Variants in HBP1 observed in about 807,000 individuals in gnomAD.
HBP1 encodes the protein HMG box-containing protein 1.
In HBP1, 20 loss-of-function variants were observed where a neutral mutation model predicts 62.6. The observed-to-expected ratio is 0.32, with a 90% CI of 0.22 to 0.46. HBP1 has a LOEUF of 0.46. HBP1 is among the 20% of genes least tolerant of loss of function. HBP1 has a pLI of 1.00. For synonymous variants in HBP1, 232 were observed against 206.2 expected, an observed-to-expected ratio of 1.12 and a Z score of -1.07; for missense variants, 480 against 611.8, an observed-to-expected ratio of 0.78 and a Z score of 2.27.
At chr7:107,195,039 ATTTG>A (rs1484057007) in intron 8 of HBP1, among the ~76,000 whole-genome samples, 1 of 151,890 alleles carries the variant, frequency 6.6e-6, no homozygotes, top group South Asian at 2.1e-4. Flanking sequence ...AAGTTCCTTT[ATTTG>A]TTTTTTATTT....
At chr7:107,176,173 G>A (rs960491817) in intron 1 of HBP1, among the ~76,000 whole-genome samples, 4 of 151,174 alleles carry the variant, frequency 2.6e-5, no homozygotes, top group African/African-American at 4.9e-5. Context: ...TTACAGGCGC[G>A]TGCCACCATA....
At chr7:107,169,706 G>C (rs1231852638) in intron 1 of HBP1, 2 of 982,004 alleles carry the variant, frequency 2.0e-6, no homozygotes, top group South Asian at 4.7e-5. Context: ...GGGCCCCGGG[G>C]CTCATTGTTA....
chr7:107,177,194 A>G (rs6951639), intron 1 of HBP1, among the ~76,000 whole-genome samples: 23,869 of 152,182 alleles, frequency 0.16, 2,334 homozygotes, highest in Non-Finnish European at 0.22. Flanking sequence ...ATCAGAGGAG[A>G]GTAGGGCAGG....
chr7:107,186,642 C>T lies in HBP1; in HGVS notation c.726C>T (p.Gly242=), dbSNP rs150443615. ...TTGAAGATTTTGCTAGAGCTGAAGG[C>T]TGTGATAATGAGGAAGATCTTCAAA... ...QDVEDFARAE[G]CDNEEDLQMG... is the part of the protein sequence containing the mutation. The change falls in exon 6 of 11, where the codon GGC becomes GGT. Residue 242 remains glycine, a synonymous_variant. Transcript: ENST00000222574. 1.2e-6 allele frequency: 2 copies of T among 1,611,582 alleles called. No individual in the cohort carries two copies. The highest frequency in any genetic ancestry group is 2.7e-5 in the African/African-American group (2 of 74,852).
chr7:107,173,729 A>G (rs1333132200), intron 1 of HBP1: 4 of 152,214 alleles, frequency 2.6e-5, no homozygotes, highest in Admixed American at 6.5e-5. Context: ...GGGGCATTCT[A>G]AGAAAGTAAA....
At chr7:107,196,546 G>T in intron 9 of HBP1, 1 of 284,822 alleles carries the variant, frequency 3.5e-6, no homozygotes, top group South Asian at 3.1e-5. Context: ...GTGATTACAG[G>T]CGTGAGCCAC....
Position 107,189,284 on chromosome 7 carries a change from A to C in HBP1, c.766-8A>C. The C allele has an allele frequency of 6.2e-7, 1 of 1,609,502 alleles. No individual in the cohort carries two copies. The highest frequency in any genetic ancestry group is 2.2e-5 in the East Asian group (1 of 44,752). On this transcript the variant is annotated splice_region_variant and splice_polypyrimidine_tract_variant and intron_variant, in intron 6 of 10. Coordinates refer to ENST00000222574, the MANE Select transcript of HBP1 (RefSeq NM_012257.4). Reference sequence around the variant, plus strand: ...TCCAATTCATTCACGCTATGCATATATTTTCAGGGCTATGGTTCTGATGGT... The same window carrying C: ...TCCAATTCATTCACGCTATGCATATCTTTTCAGGGCTATGGTTCTGATGGT...
Position 107,201,551 on chromosome 7 carries a change from AG to A in HBP1, c.*121del. 1.8e-6 allele frequency: 1 copy of A among 562,068 alleles called. No individual in the cohort carries two copies. Among genetic ancestry groups the A allele is most frequent in the Non-Finnish European group, 3.3e-6 (1 of 304,852 alleles). 34.8% of individuals were successfully genotyped at this position (562,068 alleles called of 1,614,324 possible). ...ATTCGTGTGACCATAAGATACTGATAGCATTGAGTCTTGAAATGATTTAATA... is the reference window on the plus strand; with the variant it reads ...ATTCGTGTGACCATAAGATACTGATACATTGAGTCTTGAAATGATTTAATA... On this transcript the variant is annotated 3_prime_UTR_variant, in exon 11 of 11. Transcript: ENST00000222574.
At chr7:107,177,295 C>T (rs890765452) in intron 1 of HBP1, among the ~76,000 whole-genome samples, 1 of 152,198 alleles carries the variant, frequency 6.6e-6, no homozygotes, top group African/African-American at 2.4e-5. Flanking sequence ...AAACCCGTTT[C>T]CTTACATCTA....
chr7:107,176,014 C>A (rs1386338612), intron 1 of HBP1, among the ~76,000 whole-genome samples: 4 of 144,088 alleles, frequency 2.8e-5, no homozygotes, highest in Non-Finnish European at 4.6e-5. Context: ...CCGCACCCGG[C>A]TTTTTTTCTT....
At chr7:107,194,510 T>C (rs1266847980) in intron 8 of HBP1, among the ~76,000 whole-genome samples, 1 of 152,208 alleles carries the variant, frequency 6.6e-6, no homozygotes, top group African/African-American at 2.4e-5. Flanking sequence ...AGTACATTTA[T>C]TTCATGCAAT....
chr7:107,184,406 G>A (rs1797252516), intron 3 of HBP1, among the ~76,000 whole-genome samples: 1 of 152,202 alleles, frequency 6.6e-6, no homozygotes. Context: ...GTAATTTCTG[G>A]AAAGGTAAAA....
Position 107,200,237 on chromosome 7 carries a change from A to C in HBP1, c.1463A>C (p.Lys488Thr). The change falls in exon 10 of 11, where the codon AAG becomes ACG. Residue 488 changes from lysine (K) to threonine (T), a missense_variant. By Grantham distance (78) the Lys-to-Thr change is moderately conservative. Coordinates refer to ENST00000222574, the MANE Select transcript of HBP1 (RefSeq NM_012257.4). ...AGAAGAATGTACACATTAGAAGCAAAGGCTTTGGCTGAAGAACAGAAACGT... is the reference window on the plus strand; with the variant it reads ...AGAAGAATGTACACATTAGAAGCAACGGCTTTGGCTGAAGAACAGAAACGT... Reference protein sequence around the residue: ...EERRMYTLEAKALAEEQKRLN... With the variant: ...EERRMYTLEATALAEEQKRLN... The C allele has an allele frequency of 6.2e-7, 1 of 1,613,094 alleles. No homozygotes were observed. Among genetic ancestry groups the C allele is most frequent in the South Asian group, 1.1e-5 (1 of 90,930 alleles).
intron 8 of HBP1, chr7:107,192,596 T>TA (rs1370841362): frequency 8.5e-5 from 13 of 152,188 alleles, no homozygotes; most frequent in African/African-American, 2.2e-4. Flanking sequence ...CTTCATAACT[T>TA]ACAAATATAT....
intron 8 of HBP1, chr7:107,192,504 C>G (rs1797701307): frequency 6.6e-6 from 1 of 151,964 alleles, no homozygotes. Flanking sequence ...GTGGTTATTT[C>G]TGGGGTGGCA....
intron 3 of HBP1, 128 bp downstream of exon 3, chr7:107,182,729 CCTT>C (rs973428671): frequency 3.5e-6 from 2 of 574,250 alleles, no homozygotes; most frequent in African/African-American, 3.7e-5. Flanking sequence ...GAATTAAGCT[CCTT>C]ATCTAATGAT....
At chr7:107,186,728 A>G (rs746924676) in intron 6 of HBP1, 47 bp downstream of exon 6, 23 of 1,039,052 alleles carry the variant, frequency 2.2e-5, no homozygotes, top group Non-Finnish European at 3.4e-5. Context: ...TTCCAAATGA[A>G]ACAAGATTTA....
intron 2 of HBP1, among the ~76,000 whole-genome samples, chr7:107,180,715 TGGA>T (rs896574156): frequency 2.0e-5 from 3 of 152,154 alleles, no homozygotes; most frequent in Admixed American, 2.0e-4. Flanking sequence ...AATGATGAAA[TGGA>T]GGAGATTATG....
intron 9 of HBP1, among the ~76,000 whole-genome samples, chr7:107,197,541 T>C (rs536018264): frequency 5.5e-4 from 83 of 152,246 alleles, no homozygotes; most frequent in African/African-American, 1.9e-3. Flanking sequence ...GCTAATTTTT[T>C]GCATATTTAG....
Sources: allele counts gnomAD v4.1 joint callset (sites outside exome capture counted in the v4.1 genomes callset), GRCh38; gene constraint gnomAD v4.1.1; transcripts MANE v1.5; gene names NCBI Gene and HGNC (gene_info 2026-07-23, HGNC 2026-07-21).